Variants in RNF2 observed in about 807,000 individuals in gnomAD.
RNF2 encodes the protein E3 ubiquitin-protein ligase RING2.
Under a neutral mutation model 37.2 loss-of-function variants are expected in RNF2, and 6 were observed. The observed-to-expected ratio is 0.16, with a 90% CI of 0.09 to 0.32. The LOEUF (loss-of-function observed/expected upper bound fraction) is 0.32, where lower values mean the gene tolerates loss of function less well. Ranked by LOEUF, RNF2 falls within the 10% of genes least tolerant of loss-of-function variation. RNF2 has a pLI of 1.00. For missense variants in RNF2, 251 were observed against 404.0 expected, an observed-to-expected ratio of 0.62 and a Z score of 3.25; for synonymous variants, 133 against 132.7, an observed-to-expected ratio of 1.00 and a Z score of -0.02.
At chr1:185,100,154 G>T (rs777387164) in intron 6 of RNF2, 46 bp from the exon 7 acceptor site, 3 of 1,417,470 alleles carry the variant, frequency 2.1e-6, no homozygotes, top group African/African-American at 2.9e-5. Flanking sequence ...CATTATTATT[G>T]TGGTTTGTGC....
At chr1:185,084,986 C>T (rs1017267801) in intron 1 of RNF2, among the ~76,000 whole-genome samples, 2 of 151,998 alleles carry the variant, frequency 1.3e-5, no homozygotes, top group Admixed American at 6.5e-5. Context: ...TTGCCCACAT[C>T]GTCTGCTGGA....
intron 2 of RNF2, among the ~76,000 whole-genome samples, chr1:185,089,912 T>A (rs1651717712): frequency 1.3e-5 from 2 of 151,666 alleles, no homozygotes; most frequent in African/African-American, 4.8e-5. Flanking sequence ...ACACCTGTAA[T>A]CCCAGCTACT....
At chr1:185,080,436 C>A (rs771816017) in intron 1 of RNF2, among the ~76,000 whole-genome samples, 1 of 152,074 alleles carries the variant, frequency 6.6e-6, no homozygotes, top group South Asian at 2.1e-4. Context: ...TGATCTAAAG[C>A]AAAGAGACAC....
intron 1 of RNF2, among the ~76,000 whole-genome samples, chr1:185,050,813 G>T (rs1650248823): frequency 6.6e-6 from 1 of 152,300 alleles, no homozygotes; most frequent in Middle Eastern, 3.4e-3. Flanking sequence ...CAGCAATTTT[G>T]ACAGGCATTC....
chr1:185,093,865 C>A (rs2102202774), intron 4 of RNF2, among the ~76,000 whole-genome samples: 1 of 152,250 alleles, frequency 6.6e-6, no homozygotes, highest in African/African-American at 2.4e-5. Context: ...GTGTTTGTTT[C>A]TCTTTTCAAT....
At chr1:185,047,809 C>T (rs899280001) in intron 1 of RNF2, among the ~76,000 whole-genome samples, 2 of 152,120 alleles carry the variant, frequency 1.3e-5, no homozygotes, top group Non-Finnish European at 2.9e-5. Flanking sequence ...ACTCTGCGCA[C>T]GTACACATCT....
chr1:185,076,763 T>C (rs1182409315), intron 1 of RNF2, among the ~76,000 whole-genome samples: 2 of 152,106 alleles, frequency 1.3e-5, no homozygotes, highest in African/African-American at 4.8e-5. Flanking sequence ...TATTGATCTG[T>C]TTTTCTTTTT....
At chr1:185,082,079 A>G (rs1273123454) in intron 1 of RNF2, among the ~76,000 whole-genome samples, 2 of 152,204 alleles carry the variant, frequency 1.3e-5, no homozygotes, top group Admixed American at 6.5e-5. Context: ...TTGTTGTTGC[A>G]TAGAATAAGA....
chr1:185,089,811 C>T (rs1238616738), intron 2 of RNF2, among the ~76,000 whole-genome samples: 2 of 151,968 alleles, frequency 1.3e-5, no homozygotes, highest in African/African-American at 4.8e-5. Context: ...CGGTGGATCA[C>T]CTGAGGTCAG....
At position 185,102,341 on chromosome 1, in the gene RNF2, C is replaced by A. The variant is rs1249721329; in HGVS notation, c.*2040C>A. 6.6e-6 allele frequency: 1 copy of A among 152,128 alleles called. No individual in the cohort carries two copies. Among genetic ancestry groups the A allele is most frequent in the Non-Finnish European group, 1.5e-5 (1 of 67,986 alleles). 9.4% of individuals were successfully genotyped at this position (152,128 alleles called of 1,614,324 possible). On this transcript the variant is annotated 3_prime_UTR_variant, in exon 7 of 7. Coordinates refer to ENST00000367510, the MANE Select transcript of RNF2 (RefSeq NM_007212.4). ...TCAAAAAGTATTACCTAAGTAATTTCTTTTATCACTATCTCAACTGAGGAA... is the reference window on the plus strand; with the variant it reads ...TCAAAAAGTATTACCTAAGTAATTTATTTTATCACTATCTCAACTGAGGAA...
intron 1 of RNF2, among the ~76,000 whole-genome samples, chr1:185,076,598 T>G (rs1048169159): frequency 1.1e-4 from 16 of 143,852 alleles, no homozygotes; most frequent in African/African-American, 4.5e-4. Context: ...ATTTTATGGT[T>G]TTTTTTTTTA....
chr1:185,055,952 A>C (rs1477130709), intron 1 of RNF2, among the ~76,000 whole-genome samples: 2 of 152,132 alleles, frequency 1.3e-5, no homozygotes, highest in South Asian at 2.1e-4. Flanking sequence ...TCCTCTAGTA[A>C]CATTTCCTCA....
intron 3 of RNF2, among the ~76,000 whole-genome samples, 198 bp from the exon 4 acceptor site, chr1:185,092,863 A>G (rs193114778): frequency 2.6e-5 from 4 of 152,258 alleles, no homozygotes; most frequent in African/African-American, 7.2e-5. Flanking sequence ...CGAGTGGTAT[A>G]GAGGGTTTGA....
At chr1:185,096,739 G>T (rs1456632707) in intron 4 of RNF2, among the ~76,000 whole-genome samples, 1 of 151,280 alleles carries the variant, frequency 6.6e-6, no homozygotes, top group Admixed American at 6.6e-5. Flanking sequence ...ATAATCCATT[G>T]TGTGTGCTTA....
intron 2 of RNF2, among the ~76,000 whole-genome samples, chr1:185,090,832 A>G (rs2102198981): frequency 6.6e-6 from 1 of 152,350 alleles, no homozygotes; most frequent in South Asian, 2.1e-4. Context: ...ATCATTCTGC[A>G]GCAGGGGAGA....
intron 1 of RNF2, among the ~76,000 whole-genome samples, chr1:185,073,059 CTT>C (rs5779240): frequency 1.2e-3 from 159 of 136,892 alleles, no homozygotes; most frequent in Admixed American, 1.4e-3. Flanking sequence ...CTACGACTTG[CTT>C]TTTTTTTTTT....
At chr1:185,076,466 AT>A (rs374785760) in intron 1 of RNF2, among the ~76,000 whole-genome samples, 13 of 148,706 alleles carry the variant, frequency 8.7e-5, no homozygotes, top group African/African-American at 2.5e-4. Flanking sequence ...AATTTTTTGT[AT>A]TTTTAGTAGA....
intron 1 of RNF2, among the ~76,000 whole-genome samples, chr1:185,070,762 C>T (rs1650946156): frequency 6.6e-6 from 1 of 151,896 alleles, no homozygotes; most frequent in Non-Finnish European, 1.5e-5. Flanking sequence ...CTTCAGCCTC[C>T]CGAGTAGCTG....
chr1:185,096,489 A>G (rs1369805769), intron 4 of RNF2, among the ~76,000 whole-genome samples: 1 of 151,242 alleles, frequency 6.6e-6, no homozygotes, highest in African/African-American at 2.4e-5. Context: ...CTGTCATTCT[A>G]CTTTGTTTTA....
Sources: gnomAD v4.1 joint callset for allele counts (sites outside exome capture counted in the v4.1 genomes callset) on GRCh38, gnomAD v4.1.1 for gene constraint, MANE v1.5 for transcripts, NCBI Gene and HGNC (gene_info 2026-07-23, HGNC 2026-07-21) for gene names.